The following GALNT2 variants were observed in gnomAD, a reference collection of about 807,000 sequenced individuals.
GALNT2 encodes UDP-GalNAc:polypeptide N-acetylgalactosaminyltransferase 2.
In GALNT2, 31 loss-of-function variants were observed where a neutral mutation model predicts 81.4. That is an observed-to-expected ratio of 0.38 (90% CI 0.29 to 0.51). GALNT2 has a LOEUF of 0.51. Ranked by LOEUF, GALNT2 falls within the 20% of genes least tolerant of loss-of-function variation. The pLI is 0.87. For synonymous variants in GALNT2, 303 were observed against 287.4 expected, an observed-to-expected ratio of 1.05 and a Z score of -0.55; for missense variants, 629 against 765.7, an observed-to-expected ratio of 0.82 and a Z score of 2.11.
intron 1 of GALNT2, among the ~76,000 whole-genome samples, chr1:230,146,960 T>C (rs6693579): frequency 0.89 from 134,786 of 152,158 alleles, 60,007 homozygotes; most frequent in African/African-American, 0.97. Flanking sequence ...CCGCACTGTG[T>C]GGGAGTCGTG....
At chr1:230,098,664 A>G (rs980006945) in intron 1 of GALNT2, among the ~76,000 whole-genome samples, 4 of 152,082 alleles carry the variant, frequency 2.6e-5, no homozygotes, top group Admixed American at 6.6e-5. Flanking sequence ...ACGTAGGACA[A>G]TTGAAGTAAG....
chr1:230,136,054 C>T (rs1254349311), intron 1 of GALNT2, among the ~76,000 whole-genome samples: 1 of 152,124 alleles, frequency 6.6e-6, no homozygotes, highest in African/African-American at 2.4e-5. Flanking sequence ...AGGATATATT[C>T]TGGAGCGTTG....
chr1:230,186,153 G>T (rs1663328794), intron 2 of GALNT2, among the ~76,000 whole-genome samples: 1 of 152,228 alleles, frequency 6.6e-6, no homozygotes, highest in South Asian at 2.1e-4. Flanking sequence ...TGTTTGCTTT[G>T]CTGGCAAGAG....
At chr1:230,197,231 G>T (rs1160898947) in intron 2 of GALNT2, among the ~76,000 whole-genome samples, 2 of 152,138 alleles carry the variant, frequency 1.3e-5, no homozygotes, top group African/African-American at 4.8e-5. Flanking sequence ...AAGGATACAA[G>T]TGTAGACGTA....
chr1:230,166,147 A>G (rs1328432219), intron 1 of GALNT2, among the ~76,000 whole-genome samples: 2 of 152,080 alleles, frequency 1.3e-5, no homozygotes, highest in East Asian at 1.9e-4. Flanking sequence ...AGACCTTTTG[A>G]AAAAAATAGA....
chr1:230,164,480 C>T (rs907386617), intron 1 of GALNT2, among the ~76,000 whole-genome samples: 1 of 151,788 alleles, frequency 6.6e-6, no homozygotes, highest in Non-Finnish European at 1.5e-5. Context: ...GCTTGGCGGA[C>T]TGCATCCGAT....
At chr1:230,201,482 C>G (rs1663890746) in intron 2 of GALNT2, among the ~76,000 whole-genome samples, 1 of 152,188 alleles carries the variant, frequency 6.6e-6, no homozygotes, top group South Asian at 2.1e-4. Context: ...TTCCTCATCT[C>G]TGAAATAGAG....
At position 230,067,316 on chromosome 1, in the gene GALNT2, CT is replaced by C; in HGVS notation, c.38del (p.Phe13SerfsTer129). On this transcript the variant is annotated frameshift_variant, in exon 1 of 16. Transcript: ENST00000366672. LOFTEE classifies it high-confidence loss of function. ...GCTCGCGGATGCTGCTCTGCTTCGC[CT>C]TCCTGTGGGTGCTGGGCATCGCCTA... is the stretch of plus-strand genomic sequence containing the variant. Reference protein sequence around the residue: ...RRSRMLLCFAFLWVLGIAYYM... With the variant: ...RRSRMLLCFAXLWVLGIAYYM... 2 of 1,386,446 alleles carry C rather than the reference CT, an allele frequency of 1.4e-6. No individual in the cohort carries two copies. Among genetic ancestry groups the C allele is most frequent in the Admixed American group, 2.6e-5 (1 of 38,236 alleles). 85.9% of individuals were successfully genotyped at this position (1,386,446 alleles called of 1,614,324 possible). A position where few individuals can be genotyped will look rare whatever the true frequency, so the allele number is the denominator to read the frequency against.
At position 230,262,567 on chromosome 1, in the gene GALNT2, T is replaced by G; in HGVS notation, c.1137-6T>G. On this transcript the variant is annotated splice_region_variant and splice_polypyrimidine_tract_variant and intron_variant, in intron 11 of 15. Coordinates refer to ENST00000366672, the MANE Select transcript of GALNT2 (RefSeq NM_004481.5). Reference sequence around the variant, plus strand: ...AATCACACCTCAAGATTTATTTTCTTTCTAGAAACACCCGCCGGGCAGCAG... The same window carrying G: ...AATCACACCTCAAGATTTATTTTCTGTCTAGAAACACCCGCCGGGCAGCAG... The G allele has an allele frequency of 6.2e-7, 1 of 1,612,430 alleles. No individual in the cohort carries two copies. Among genetic ancestry groups the G allele is most frequent in the Non-Finnish European group, 8.5e-7 (1 of 1,178,494 alleles).
intron 3 of GALNT2, among the ~76,000 whole-genome samples, chr1:230,232,132 T>C (rs1664883699): frequency 6.6e-6 from 1 of 152,186 alleles, no homozygotes; most frequent in Non-Finnish European, 1.5e-5. Flanking sequence ...TAAAGACATG[T>C]TTCAAGCCGA....
At chr1:230,189,879 G>A (rs992680209) in intron 2 of GALNT2, among the ~76,000 whole-genome samples, 2 of 152,180 alleles carry the variant, frequency 1.3e-5, no homozygotes, top group African/African-American at 4.8e-5. Context: ...CCTCATATGA[G>A]TGCAGCCTTA....
chr1:230,244,214 A>G (rs1261763308), intron 7 of GALNT2, among the ~76,000 whole-genome samples: 2 of 152,078 alleles, frequency 1.3e-5, no homozygotes, highest in Non-Finnish European at 2.9e-5. Context: ...ACCACAAGCT[A>G]CTAGGAATTA....
intron 1 of GALNT2, among the ~76,000 whole-genome samples, chr1:230,107,646 T>TGTGTGTGTGTGTG (rs1356238842): frequency 1.1e-4 from 10 of 91,298 alleles, no homozygotes; most frequent in African/African-American, 2.0e-4. Context: ...GTGTGTGTGG[T>TGTGTGTGTGTGTG]TGGTTGGTTG....
intron 3 of GALNT2, among the ~76,000 whole-genome samples, chr1:230,215,602 C>G (rs1219809722): frequency 6.6e-6 from 1 of 152,198 alleles, no homozygotes; most frequent in Admixed American, 6.5e-5. Context: ...ATAAATTTTG[C>G]CCTGAGCAAT....
intron 1 of GALNT2, among the ~76,000 whole-genome samples, chr1:230,140,700 T>C (rs546889340): frequency 6.6e-6 from 1 of 152,212 alleles, no homozygotes; most frequent in Non-Finnish European, 1.5e-5. Context: ...GTCAAGTGTT[T>C]AGAGATCATT....
chr1:230,233,850 G>A (rs1451038080), intron 3 of GALNT2, among the ~76,000 whole-genome samples: 1 of 152,184 alleles, frequency 6.6e-6, no homozygotes, highest in Non-Finnish European at 1.5e-5. Flanking sequence ...TCTCTGCATA[G>A]GGGAGAGGCA....
chr1:230,210,237 T>G (rs1664194966), intron 3 of GALNT2, among the ~76,000 whole-genome samples: 1 of 152,226 alleles, frequency 6.6e-6, no homozygotes, highest in Admixed American at 6.5e-5. Flanking sequence ...AGGGAAAACT[T>G]GGGACAGTTT....
chr1:230,190,599 G>C (rs931175304), intron 2 of GALNT2, among the ~76,000 whole-genome samples: 2 of 152,124 alleles, frequency 1.3e-5, no homozygotes, highest in African/African-American at 4.8e-5. Context: ...CTCTCTTTCA[G>C]AGCCCCCTCT....
intron 2 of GALNT2, among the ~76,000 whole-genome samples, chr1:230,199,405 G>A (rs1053853865): frequency 2.6e-5 from 4 of 152,194 alleles, no homozygotes; most frequent in African/African-American, 9.6e-5. Flanking sequence ...ACCAATTTTA[G>A]TAATGGTTCT....
Sources: gnomAD v4.1 joint callset for allele counts (sites outside exome capture counted in the v4.1 genomes callset) on GRCh38, gnomAD v4.1.1 for gene constraint, MANE v1.5 for transcripts, NCBI Gene and HGNC (gene_info 2026-07-23, HGNC 2026-07-21) for gene names.